Variants in STX18 observed in about 807,000 individuals in gnomAD.
STX18 encodes syntaxin-18.
A neutral mutation model predicts 50.1 loss-of-function variants in STX18; 40 were observed. The ratio of observed to expected loss-of-function variants is 0.80; its 90% confidence interval spans 0.62 to 1.04. STX18 has a LOEUF of 1.04. Ranked by LOEUF, STX18 falls within the 50% of genes least tolerant of loss-of-function variation. The pLI, the probability that STX18 is intolerant of heterozygous loss-of-function variation, is 0.00. For synonymous variants in STX18, 158 were observed against 151.8 expected (o/e 1.04, Z -0.30); for missense variants, 410 against 415.8 (o/e 0.99, Z 0.12).
rs563327174 is a variant in STX18, at chr4:4,438,961, ACCC to A, written c.498-455_498-453del. ...TATATATACCCCCACACACATATAT[ACCC>A]CCAACACATGTATACCCACACATAT... is the stretch of plus-strand genomic sequence containing the variant. On this transcript the variant is annotated intron_variant, in intron 5 of 10. Coordinates refer to ENST00000306200, the MANE Select transcript of STX18 (RefSeq NM_016930.4). Among the ~76,000 whole-genome samples the A allele has an allele frequency of 3.9e-3, 576 of 147,948 alleles. 1 individual carries two copies. The highest frequency in any genetic ancestry group is 4.7e-3 in the Non-Finnish European group (316 of 66,906).
chr4:4,519,706 T>G (rs1447297134), intron 1 of STX18, among the ~76,000 whole-genome samples: 1 of 152,224 alleles, frequency 6.6e-6, no homozygotes, highest in Non-Finnish European at 1.5e-5. Context: ...TAAATCATCA[T>G]CTACTCTGGA....
intron 1 of STX18, among the ~76,000 whole-genome samples, chr4:4,472,192 G>A (rs1393912270): frequency 6.6e-6 from 1 of 152,158 alleles, no homozygotes; most frequent in Non-Finnish European, 1.5e-5. Context: ...GCAAATCTCT[G>A]TCTTTCCTAT....
chr4:4,451,847 A>G (rs950720398), intron 5 of STX18, among the ~76,000 whole-genome samples: 2 of 152,218 alleles, frequency 1.3e-5, no homozygotes, highest in African/African-American at 4.8e-5. Context: ...TTCAAGTGAA[A>G]GAAGAGTTGC....
chr4:4,482,027 C>G (rs761098618), intron 1 of STX18, among the ~76,000 whole-genome samples: 1 of 152,186 alleles, frequency 6.6e-6, no homozygotes, highest in Non-Finnish European at 1.5e-5. Context: ...CTCCTCCCTG[C>G]TCCTGCCTCC....
At chr4:4,526,206 C>T (rs1032497339) in intron 1 of STX18, among the ~76,000 whole-genome samples, 2 of 152,134 alleles carry the variant, frequency 1.3e-5, no homozygotes, top group Non-Finnish European at 2.9e-5. Flanking sequence ...GAGGGCTCAC[C>T]GTTACTGTGT....
rs780087802 is a variant in STX18 at position 4,457,269 on chromosome 4, G to C, written c.431-12C>G. The C allele has an allele frequency of 6.2e-7, 1 of 1,613,202 alleles. No individual in the cohort carries two copies. The highest frequency in any genetic ancestry group is 8.5e-7 in the Non-Finnish European group (1 of 1,179,268). The stretch of plus-strand genomic sequence containing the variant: ...AAGTTTACATACTCCTGTTGCAGAA[G>C]AAAATACCAGAAGAGAGACTGCTTA... On this transcript the variant is annotated splice_polypyrimidine_tract_variant and intron_variant, in intron 4 of 10. Coordinates refer to ENST00000306200, the MANE Select transcript of STX18 (RefSeq NM_016930.4).
chr4:4,460,940 G>C (rs2108821202), intron 2 of STX18, among the ~76,000 whole-genome samples: 1 of 152,196 alleles, frequency 6.6e-6, no homozygotes. Flanking sequence ...CAAAGCCTTA[G>C]GTTCATCCCT....
chr4:4,514,491 A>G (rs1330272702), intron 1 of STX18, among the ~76,000 whole-genome samples: 1 of 152,222 alleles, frequency 6.6e-6, no homozygotes, highest in Admixed American at 6.5e-5. Flanking sequence ...AACTTTTAAA[A>G]ATTCTTCACT....
At chr4:4,509,996 T>C (rs1299700578) in intron 1 of STX18, among the ~76,000 whole-genome samples, 1 of 152,138 alleles carries the variant, frequency 6.6e-6, no homozygotes, top group African/African-American at 2.4e-5. Context: ...GTCAGGTAGG[T>C]AGACAACTAT....
At chr4:4,532,102 T>C (rs1731123114) in intron 1 of STX18, among the ~76,000 whole-genome samples, 1 of 152,188 alleles carries the variant, frequency 6.6e-6, no homozygotes. Context: ...TTTTCTACAA[T>C]ACTGTTATGT....
chr4:4,498,079 G>T (rs963303736), intron 1 of STX18, among the ~76,000 whole-genome samples: 1 of 152,138 alleles, frequency 6.6e-6, no homozygotes, highest in African/African-American at 2.4e-5. Flanking sequence ...TTTAATAACG[G>T]TATTAATTAG....
intron 1 of STX18, among the ~76,000 whole-genome samples, chr4:4,527,843 T>G (rs1730858903): frequency 7.2e-6 from 1 of 139,450 alleles, no homozygotes; most frequent in Non-Finnish European, 1.5e-5. Context: ...TATGTCTTTA[T>G]ATATATATAC....
intron 1 of STX18, among the ~76,000 whole-genome samples, chr4:4,538,800 C>G (rs1731454344): frequency 6.6e-6 from 1 of 152,144 alleles, no homozygotes; most frequent in Non-Finnish European, 1.5e-5. Flanking sequence ...TCTTTCCAAT[C>G]CCATCATCCT....
At position 4,457,288 on chromosome 4, in the gene STX18, C is replaced by A; in HGVS notation, c.431-31G>T. 2 of 1,605,042 alleles carry A rather than the reference C, an allele frequency of 1.2e-6. 1 individual carries two copies. The highest frequency in any genetic ancestry group is 2.2e-5 in the South Asian group (2 of 90,710). On this transcript the variant is annotated intron_variant, in intron 4 of 10. Coordinates refer to ENST00000306200, the MANE Select transcript of STX18 (RefSeq NM_016930.4). ...GCAGAAGAAAATACCAGAAGAGAGA[C>A]TGCTTAAAACAGCTTCTCAGGCAAA...
intron 2 of STX18, among the ~76,000 whole-genome samples, chr4:4,467,982 T>C (rs1577349477): frequency 1.3e-5 from 2 of 152,240 alleles, no homozygotes; most frequent in African/African-American, 2.4e-5. Flanking sequence ...TGTGGCAAAG[T>C]AGAAGAGCTG....
At chr4:4,466,342 A>G (rs1213033148) in intron 2 of STX18, among the ~76,000 whole-genome samples, 2 of 152,192 alleles carry the variant, frequency 1.3e-5, no homozygotes, top group Non-Finnish European at 2.9e-5. Context: ...TTCTGAATGC[A>G]GCTGTAGGGC....
intron 6 of STX18, among the ~76,000 whole-genome samples, chr4:4,435,309 G>A (rs1029647010): frequency 6.6e-6 from 1 of 152,036 alleles, no homozygotes; most frequent in Non-Finnish European, 1.5e-5. Context: ...TATACAGGAA[G>A]TGATATACTG....
intron 1 of STX18, among the ~76,000 whole-genome samples, chr4:4,502,930 G>A (rs1193390827): frequency 1.3e-5 from 2 of 152,144 alleles, no homozygotes; most frequent in African/African-American, 4.8e-5. Context: ...ATGCTGCGCT[G>A]TCCCGGATAT....
Position 4,420,698 on chromosome 4 carries a change from G to C in STX18, c.912+166C>G, listed in dbSNP as rs1439340691. 3 of 631,724 alleles carry C rather than the reference G, an allele frequency of 4.7e-6. No homozygotes were observed. Among genetic ancestry groups the C allele is most frequent in the African/African-American group, 3.7e-5 (2 of 54,170 alleles). 39.1% of individuals were successfully genotyped at this position (631,724 alleles called of 1,614,324 possible). ...AGCAGCTGGAGGTGGGCGACAGGTG[G>C]TGGGTCTCATGAACACACGCAGCTC... On this transcript the variant is annotated intron_variant, in intron 10 of 10. Coordinates refer to ENST00000306200, the MANE Select transcript of STX18 (RefSeq NM_016930.4). This position sits in a 1 kb window ranked among gnomAD's most constrained non-coding sequence, Gnocchi z 4.3.
Sources: allele counts gnomAD v4.1 joint callset (sites outside exome capture counted in the v4.1 genomes callset), GRCh38; gene constraint gnomAD v4.1.1; non-coding constraint Gnocchi (gnomAD v3.1); transcripts MANE v1.5; gene names NCBI Gene and HGNC (gene_info 2026-07-23, HGNC 2026-07-21).